Variants in GGNBP2 observed in about 807,000 individuals in gnomAD.
GGNBP2 encodes the protein gametogenetin-binding protein 2.
GGNBP2 carries 10 observed loss-of-function variants against 85.9 expected under a neutral mutation model. The observed-to-expected ratio is 0.12, with a 90% confidence interval of 0.07 to 0.20. The LOEUF is 0.20. Ranked by LOEUF, GGNBP2 falls within the 10% of genes least tolerant of loss-of-function variation. GGNBP2 has a pLI of 1.00. For synonymous variants in GGNBP2, 287 were observed against 285.7 expected (o/e 1.00, Z -0.05); for missense variants, 595 against 857.8 (o/e 0.69, Z 3.83).
intron 4 of GGNBP2, 46 bp from the exon 5 acceptor site, chr17:36,560,727 G>C: frequency 5.4e-6 from 6 of 1,115,348 alleles, no homozygotes; most frequent in Non-Finnish European, 7.8e-6. Context: ...TTTAAAATTT[G>C]AAAGTAAAAT....
At chr17:36,571,200 A>G (rs1260364461) in intron 6 of GGNBP2, among the ~76,000 whole-genome samples, 1 of 152,206 alleles carries the variant, frequency 6.6e-6, no homozygotes, top group Non-Finnish European at 1.5e-5. Context: ...TGGGAAGCCA[A>G]GGCAGGAGGA....
At chr17:36,565,663 C>T (rs890055358) in intron 5 of GGNBP2, among the ~76,000 whole-genome samples, 1 of 151,846 alleles carries the variant, frequency 6.6e-6, no homozygotes, top group African/African-American at 2.4e-5. Context: ...TTTGGGAGGC[C>T]GATGCAGGCA....
At chr17:36,582,681 A>G (rs1054481885) in intron 9 of GGNBP2, among the ~76,000 whole-genome samples, 3 of 152,152 alleles carry the variant, frequency 2.0e-5, no homozygotes, top group Non-Finnish European at 4.4e-5. Context: ...TGTCATGTCT[A>G]TGTTTTATTA....
intron 6 of GGNBP2, among the ~76,000 whole-genome samples, chr17:36,573,036 A>G (rs1555607087): frequency 6.6e-6 from 1 of 152,170 alleles, no homozygotes; most frequent in African/African-American, 2.4e-5. Context: ...ATTCCCCTCT[A>G]AAAGCTGAAT....
chr17:36,548,033 G>A (rs2074271108), intron 2 of GGNBP2, among the ~76,000 whole-genome samples: 1 of 152,220 alleles, frequency 6.6e-6, no homozygotes, highest in African/African-American at 2.4e-5. Context: ...AGAGTTTTAT[G>A]CTCTGCATTG....
chr17:36,585,606 TTTTC>T (rs1288019835), intron 10 of GGNBP2, 156 bp downstream of exon 10: 2 of 638,560 alleles, frequency 3.1e-6, no homozygotes, highest in Non-Finnish European at 5.2e-6. Context: ...AATATTTCCT[TTTTC>T]TTTATGTTCT....
intron 2 of GGNBP2, among the ~76,000 whole-genome samples, chr17:36,548,243 T>C (rs1334520460): frequency 6.6e-6 from 1 of 152,220 alleles, no homozygotes; most frequent in Non-Finnish European, 1.5e-5. Flanking sequence ...TTAGTTGGGA[T>C]GCTGAAACTT....
intron 9 of GGNBP2, among the ~76,000 whole-genome samples, chr17:36,583,674 G>A (rs1482041789): frequency 6.6e-6 from 1 of 151,732 alleles, no homozygotes; most frequent in African/African-American, 2.4e-5. Context: ...TGTTGCCCAG[G>A]CTGGTCTCGA....
chr17:36,571,749 A>G (rs980914359), intron 6 of GGNBP2, among the ~76,000 whole-genome samples: 7 of 152,210 alleles, frequency 4.6e-5, no homozygotes, highest in Non-Finnish European at 8.8e-5. Context: ...AGGCTGAGGC[A>G]GGAGAATGGC....
At chr17:36,560,389 A>G (rs2074405574) in intron 4 of GGNBP2, among the ~76,000 whole-genome samples, 1 of 152,242 alleles carries the variant, frequency 6.6e-6, no homozygotes, top group Non-Finnish European at 1.5e-5. Context: ...TCAAGGATGT[A>G]TTGTGTTTAC....
intron 2 of GGNBP2, chr17:36,546,868 T>C (rs1322340867): frequency 1.3e-5 from 2 of 152,192 alleles, no homozygotes; most frequent in African/African-American, 2.4e-5. Context: ...CCGAAGTTTT[T>C]TCAAATTTTA....
intron 8 of GGNBP2, among the ~76,000 whole-genome samples, chr17:36,579,672 T>C (rs1245812330): frequency 2.0e-5 from 3 of 152,214 alleles, no homozygotes; most frequent in Admixed American, 6.5e-5. Context: ...TTAGACTTTC[T>C]CAGAGTAGAA....
intron 11 of GGNBP2, 32 bp downstream of exon 11, chr17:36,585,997 T>TAC (rs775884753): frequency 1.9e-6 from 3 of 1,613,852 alleles, no homozygotes; most frequent in Non-Finnish European, 1.7e-6. Flanking sequence ...CAGTTATTTC[T>TAC]ACTACATGGC....
chr17:36,577,733 T>C (rs2074606077), intron 6 of GGNBP2: 1 of 536,824 alleles, frequency 1.9e-6, no homozygotes, highest in African/African-American at 1.9e-5. Context: ...ATAATAGGTA[T>C]GTATCTGCCT....
chr17:36,587,511 A>G (rs919926162), intron 13 of GGNBP2: 9 of 423,748 alleles, frequency 2.1e-5, no homozygotes, highest in African/African-American at 7.8e-5. Flanking sequence ...TTACATTCCA[A>G]TAAACCCATT....
chr17:36,581,520 G>A lies in GGNBP2; in HGVS notation c.1197G>A (p.Lys399=). Residue 399 remains lysine, a synonymous_variant, in exon 9 of 14, where the codon AAG becomes AAA. Coordinates refer to ENST00000613102, the MANE Select transcript of GGNBP2 (RefSeq NM_024835.5). ...IPTPLQTADE[K]EVSQEKETDF... is the part of the protein sequence containing the mutation. ...CTCCCTTACAAACAGCAGATGAAAA[G>A]GAAGTAAGCCAAGAGAAGGTAATAT... is the stretch of plus-strand genomic sequence containing the variant. 6.2e-7 allele frequency: 1 copy of A among 1,607,424 alleles called. No individual in the cohort carries two copies.
intron 5 of GGNBP2, among the ~76,000 whole-genome samples, chr17:36,563,070 G>A (rs917840510): frequency 1.4e-5 from 2 of 148,054 alleles, no homozygotes; most frequent in Admixed American, 6.8e-5. Flanking sequence ...GTTCGAGACC[G>A]GCCTGGCCAA....
At chr17:36,557,744 T>C (rs1040916871) in intron 4 of GGNBP2, among the ~76,000 whole-genome samples, 1 of 152,070 alleles carries the variant, frequency 6.6e-6, no homozygotes, top group Non-Finnish European at 1.5e-5. Context: ...TTTATTGGCA[T>C]GTTTGAGGAA....
chr17:36,567,538 T>G, intron 5 of GGNBP2, 125 bp from the exon 6 acceptor site: 1 of 608,490 alleles, frequency 1.6e-6, no homozygotes, highest in South Asian at 2.1e-5. Flanking sequence ...AGGATCATTT[T>G]CCATTATGGA....
Sources: gnomAD v4.1 joint callset for allele counts (sites outside exome capture counted in the v4.1 genomes callset) on GRCh38, gnomAD v4.1.1 for gene constraint, MANE v1.5 for transcripts, NCBI Gene and HGNC (gene_info 2026-07-23, HGNC 2026-07-21) for gene names.